Variants in POU2F3 observed in about 807,000 individuals in gnomAD.
POU2F3 encodes POU class 2 homeobox 3, also known as POU domain, class 2, transcription factor 3.
A neutral mutation model predicts 59.2 loss-of-function variants in POU2F3; 23 were observed. That is an observed-to-expected ratio of 0.39 (90% CI 0.28 to 0.55). The LOEUF is 0.55. POU2F3 is among the 20% of genes least tolerant of loss of function. The pLI, the probability that POU2F3 is intolerant of heterozygous loss-of-function variation, is 0.66. For synonymous variants in POU2F3, 190 were observed against 214.6 expected (o/e 0.89, Z 1.00); for missense variants, 473 against 544.5 (o/e 0.87, Z 1.31).
At position 120,285,942 on chromosome 11, in the gene POU2F3, G is replaced by A. The variant is rs1940763864; in HGVS notation, c.133-12323G>A. Among the ~76,000 whole-genome samples the A allele has an allele frequency of 6.6e-6, 1 of 152,110 alleles. No homozygotes were observed. The highest frequency in any genetic ancestry group is 1.5e-5 in the Non-Finnish European group (1 of 68,036). ...CTGTCACCCAGGCTGGAGTGCAGTGGTGCTATCTCGGCTCACTGCAACCTC... is the reference window on the plus strand; with the variant it reads ...CTGTCACCCAGGCTGGAGTGCAGTGATGCTATCTCGGCTCACTGCAACCTC... On this transcript the variant is annotated intron_variant, in intron 3 of 12. Coordinates refer to ENST00000543440, the MANE Select transcript of POU2F3 (RefSeq NM_014352.4). The surrounding 1 kb of genome is among the most constrained non-coding windows in gnomAD (Gnocchi z 4.3).
At chr11:120,252,855 A>C (rs886412104) in intron 2 of POU2F3, among the ~76,000 whole-genome samples, 1 of 152,094 alleles carries the variant, frequency 6.6e-6, no homozygotes, top group African/African-American at 2.4e-5. Flanking sequence ...CCTGCCCGAC[A>C]CCATTCCCTC....
intron 6 of POU2F3, chr11:120,304,123 C>T: frequency 6.6e-6 from 1 of 151,946 alleles, no homozygotes; most frequent in Non-Finnish European, 1.5e-5. Flanking sequence ...CACTTGAGCC[C>T]AGGAGTTTGA....
chr11:120,298,458 C>A (rs1304083516), intron 4 of POU2F3, 68 bp downstream of exon 4: 1 of 1,592,266 alleles, frequency 6.3e-7, no homozygotes. Flanking sequence ...GCTCGACTTC[C>A]ATGCTTGGTA....
At chr11:120,261,628 A>C (rs1418464880) in intron 2 of POU2F3, among the ~76,000 whole-genome samples, 1 of 152,104 alleles carries the variant, frequency 6.6e-6, no homozygotes, top group East Asian at 1.9e-4. Context: ...CTGTGTACTT[A>C]ATCTTTTATT....
At chr11:120,236,672 T>G, upstream of POU2F3, 2 of 1,503,294 alleles carry the variant, frequency 1.3e-6, no homozygotes, top group South Asian at 1.2e-5. Context: ...AAAACCGGTT[T>G]CATGGAGTCT....
At chr11:120,267,701 TATCC>T (rs1939888686) in intron 2 of POU2F3, among the ~76,000 whole-genome samples, 1 of 152,244 alleles carries the variant, frequency 6.6e-6, no homozygotes, top group South Asian at 2.1e-4. Flanking sequence ...TTGAGCCTCT[TATCC>T]ATGTTAGGAA....
At chr11:120,257,697 C>G (rs898728471) in intron 2 of POU2F3, among the ~76,000 whole-genome samples, 2 of 152,222 alleles carry the variant, frequency 1.3e-5, no homozygotes, top group South Asian at 4.1e-4. Flanking sequence ...CCTGACCCCT[C>G]TGAGCCTCAC....
chr11:120,274,092 G>GAGAGA (rs1940205275), intron 3 of POU2F3, among the ~76,000 whole-genome samples: 1 of 91,020 alleles, frequency 1.1e-5, no homozygotes, highest in African/African-American at 4.4e-5. Flanking sequence ...AGAAAGAAAG[G>GAGAGA]AAGGAAGGAA....
chr11:120,246,776 A>G (rs1245992182), intron 2 of POU2F3, among the ~76,000 whole-genome samples: 1 of 152,186 alleles, frequency 6.6e-6, no homozygotes, highest in South Asian at 2.1e-4. Flanking sequence ...GAACAAAACC[A>G]AAAAAGTTCA....
rs1310122184 is a variant in POU2F3, at chr11:120,285,763, C to T, written c.133-12502C>T. On this transcript the variant is annotated intron_variant, in intron 3 of 12. Coordinates refer to ENST00000543440, the MANE Select transcript of POU2F3 (RefSeq NM_014352.4). The surrounding 1 kb of genome is among the most constrained non-coding windows in gnomAD (Gnocchi z 4.3). The stretch of plus-strand genomic sequence containing the variant: ...CTACACACATATGTACAAATTATAC[C>T]GTATATATTCTTTAGTGGCTTTTAA... Among the ~76,000 whole-genome samples, 4 of 151,854 alleles carry T rather than the reference C, an allele frequency of 2.6e-5. No homozygotes were observed. Among genetic ancestry groups the T allele is most frequent in the Non-Finnish European group, 4.4e-5 (3 of 67,990 alleles).
intron 2 of POU2F3, among the ~76,000 whole-genome samples, chr11:120,267,202 C>G (rs2135188277): frequency 6.6e-6 from 1 of 151,786 alleles, no homozygotes; most frequent in East Asian, 1.9e-4. Context: ...GATCTCGGCT[C>G]ACTGCAACCT....
chr11:120,288,465 T>C (rs1419388194), intron 3 of POU2F3, among the ~76,000 whole-genome samples: 2 of 152,208 alleles, frequency 1.3e-5, no homozygotes, highest in Non-Finnish European at 2.9e-5. Context: ...ATCCTAGGCA[T>C]TTGAAAGGTA....
At chr11:120,247,670 C>T (rs1029309138) in intron 2 of POU2F3, among the ~76,000 whole-genome samples, 1 of 152,206 alleles carries the variant, frequency 6.6e-6, no homozygotes, top group African/African-American at 2.4e-5. Flanking sequence ...GGCACCTGTT[C>T]TTCCCAGTTG....
chr11:120,282,048 C>T (rs1054918126), intron 3 of POU2F3, among the ~76,000 whole-genome samples: 3 of 152,190 alleles, frequency 2.0e-5, no homozygotes, highest in African/African-American at 7.2e-5. Context: ...CAGTTCACCC[C>T]TTCTTCTTAG....
At chr11:120,246,311 A>G in intron 1 of POU2F3, 138 bp from the exon 2 acceptor site, 1 of 867,010 alleles carries the variant, frequency 1.2e-6, no homozygotes. Context: ...TAATGGTTGT[A>G]TGTTCGGGAA....
rs115442242 is a variant in POU2F3 at position 120,243,993 on chromosome 11, T to G, written c.29-2456T>G. Among the ~76,000 whole-genome samples, 1,006 of 152,324 alleles carry G rather than the reference T, an allele frequency of 6.6e-3. 8 individuals are homozygous for G. Among genetic ancestry groups the G allele is most frequent in the African/African-American group, 0.023 (972 of 41,568 alleles). ...AATGAGAGCTTCTGTGTGTATTTGATGAAGGTGATGTGGAGAATGGGTGTT... is the reference window on the plus strand; with the variant it reads ...AATGAGAGCTTCTGTGTGTATTTGAGGAAGGTGATGTGGAGAATGGGTGTT... On this transcript the variant is annotated intron_variant, in intron 1 of 12. Transcript: ENST00000543440.
At chr11:120,304,303 C>T (rs1941421948) in intron 6 of POU2F3, 1 of 136,846 alleles carries the variant, frequency 7.3e-6, no homozygotes, top group South Asian at 2.4e-4. Context: ...TACACTCTAG[C>T]CTGGGTGACA....
At chr11:120,248,101 T>C (rs1938944428) in intron 2 of POU2F3, among the ~76,000 whole-genome samples, 1 of 152,192 alleles carries the variant, frequency 6.6e-6, no homozygotes. Flanking sequence ...TATGAGCAAA[T>C]TCTGGCTTCC....
intron 2 of POU2F3, among the ~76,000 whole-genome samples, chr11:120,255,750 C>T (rs186730571): frequency 7.2e-5 from 11 of 152,160 alleles, no homozygotes; most frequent in Admixed American, 3.3e-4. Context: ...ACAGGAGAGC[C>T]GGCTGGGTCT....
Sources: gnomAD v4.1 joint callset for allele counts (sites outside exome capture counted in the v4.1 genomes callset) on GRCh38, gnomAD v4.1.1 for gene constraint, Gnocchi (gnomAD v3.1) non-coding constraint, MANE v1.5 for transcripts, NCBI Gene and HGNC (gene_info 2026-07-23, HGNC 2026-07-21) for gene names.